The following ACTR3C variants were observed in gnomAD, a reference collection of about 807,000 sequenced individuals.
ACTR3C encodes actin related protein 3C.
In ACTR3C, 18 loss-of-function variants were observed where a neutral mutation model predicts 26.3. That is an observed-to-expected ratio of 0.68 (90% CI 0.47 to 1.01). ACTR3C has a LOEUF of 1.01. Ranked by LOEUF, ACTR3C falls within the 50% of genes least tolerant of loss-of-function variation. ACTR3C has a pLI of 0.00. For missense variants in ACTR3C, 184 were observed against 250.7 expected (o/e 0.73, Z 1.80); for synonymous variants, 55 against 94.5 (o/e 0.58, Z 2.42).
At chr7:149,885,459 G>A in the ACTR3C span, among the ~76,000 whole-genome samples, 6 of 152,214 alleles carry the variant, frequency 3.9e-5, no homozygotes, top group Non-Finnish European at 5.9e-5. Flanking sequence ...AGGAGGCCGG[G>A]GGCAGGGAGC....
chr7:150,222,563 T>C, the ACTR3C span, among the ~76,000 whole-genome samples: 2 of 152,220 alleles, frequency 1.3e-5, no homozygotes, highest in Non-Finnish European at 2.9e-5. Context: ...CTGTGATTAC[T>C]TGTGTATTTT....
the ACTR3C span, among the ~76,000 whole-genome samples, chr7:150,055,909 A>T: frequency 1.3e-5 from 2 of 152,252 alleles, no homozygotes; most frequent in African/African-American, 2.4e-5. Context: ...TTAATTAAAA[A>T]TCAATAAAGT....
chr7:150,085,983 C>CT, the ACTR3C span, among the ~76,000 whole-genome samples: 981 of 144,260 alleles, frequency 6.8e-3, 9 homozygotes, highest in African/African-American at 0.019. Context: ...TTTCTTTCTT[C>CT]TTTTTTTTTT....
At chr7:149,918,413 A>G in the ACTR3C span, among the ~76,000 whole-genome samples, 1 of 152,262 alleles carries the variant, frequency 6.6e-6, no homozygotes, top group African/African-American at 2.4e-5. Context: ...AATTTAGGCC[A>G]GGCGCAGTGG....
At chr7:150,135,564 AAATGTGAACT>A in the ACTR3C span, among the ~76,000 whole-genome samples, 1 of 152,352 alleles carries the variant, frequency 6.6e-6, no homozygotes, top group Middle Eastern at 3.4e-3. Flanking sequence ...ACCCATTCTC[AAATGTGAACT>A]AATAAAAGCA....
the ACTR3C span, among the ~76,000 whole-genome samples, chr7:149,939,639 C>T: frequency 1.3e-5 from 2 of 151,586 alleles, no homozygotes; most frequent in South Asian, 4.2e-4. Context: ...GTTTCCTCAG[C>T]AAAGTTGGAG....
intron 1 of ACTR3C, among the ~76,000 whole-genome samples, chr7:150,297,382 GGA>G (rs1179711594): frequency 6.6e-6 from 1 of 150,670 alleles, no homozygotes; most frequent in Non-Finnish European, 1.5e-5. Context: ...AAAATACTAA[GGA>G]GAAAAAATAT....
chr7:150,141,367 G>A, the ACTR3C span, among the ~76,000 whole-genome samples: 1 of 152,080 alleles, frequency 6.6e-6, no homozygotes, highest in African/African-American at 2.4e-5. Flanking sequence ...TACACTTACT[G>A]AGCAAGGGAG....
At chr7:150,223,948 T>C in the ACTR3C span, among the ~76,000 whole-genome samples, 259 of 152,286 alleles carry the variant, frequency 1.7e-3, no homozygotes, top group African/African-American at 6.1e-3. Flanking sequence ...ATTCAGTTCC[T>C]CAAAGGCCTC....
At chr7:149,985,316 C>A in the ACTR3C span, among the ~76,000 whole-genome samples, 1 of 150,506 alleles carries the variant, frequency 6.6e-6, no homozygotes, top group Non-Finnish European at 1.5e-5. Flanking sequence ...AAGAAAATAA[C>A]TAAAATAAAT....
At chr7:150,124,789 C>A in the ACTR3C span, among the ~76,000 whole-genome samples, 1 of 151,416 alleles carries the variant, frequency 6.6e-6, no homozygotes, top group African/African-American at 2.5e-5. Flanking sequence ...ACAGTAGCAA[C>A]AAGAATGATA....
chr7:150,081,185 A>T, the ACTR3C span, among the ~76,000 whole-genome samples: 1 of 149,718 alleles, frequency 6.7e-6, no homozygotes, highest in Middle Eastern at 3.2e-3. Flanking sequence ...GGATAGAGAG[A>T]TAGGGAGGGA....
chr7:150,084,487 G>T, the ACTR3C span, among the ~76,000 whole-genome samples: 11 of 152,160 alleles, frequency 7.2e-5, no homozygotes, highest in African/African-American at 1.4e-4. Flanking sequence ...GAGATTTTAG[G>T]TAGAGTGGTC....
chr7:150,272,548 A>C (rs1480394429), intron 6 of ACTR3C, among the ~76,000 whole-genome samples: 1 of 139,874 alleles, frequency 7.1e-6, no homozygotes, highest in Non-Finnish European at 1.5e-5. Context: ...AAAAAGCAGA[A>C]AAAAAGAGAA....
chr7:150,209,722 TACACACACACACACACAC>T, the ACTR3C span, among the ~76,000 whole-genome samples: 19 of 129,306 alleles, frequency 1.5e-4, no homozygotes, highest in African/African-American at 5.6e-4. Flanking sequence ...CTACTAAAAA[TACACACACACACACACAC>T]ACACACACAC....
At chr7:150,263,786 T>G (rs1833828633) in intron 6 of ACTR3C, among the ~76,000 whole-genome samples, 1 of 152,268 alleles carries the variant, frequency 6.6e-6, no homozygotes, top group Non-Finnish European at 1.5e-5. Context: ...AGAGCTACTT[T>G]CTCAATCATT....
chr7:150,227,723 A>G, the ACTR3C span, among the ~76,000 whole-genome samples: 10,356 of 101,108 alleles, frequency 0.1, 892 homozygotes, highest in African/African-American at 0.26. Context: ...TGGTATATGT[A>G]TGTCCAATTA....
chr7:149,917,008 C>T, the ACTR3C span, among the ~76,000 whole-genome samples: 1 of 152,156 alleles, frequency 6.6e-6, no homozygotes, highest in Non-Finnish European at 1.5e-5. Context: ...TTCTATCCAC[C>T]TTCTATTCCT....
At chr7:150,139,756 C>G in the ACTR3C span, among the ~76,000 whole-genome samples, 5 of 152,300 alleles carry the variant, frequency 3.3e-5, no homozygotes, top group Admixed American at 6.5e-5. Context: ...CATCCTCCCC[C>G]ACACATGGGT....
Sources: allele counts gnomAD v4.1 joint callset (sites outside exome capture counted in the v4.1 genomes callset), GRCh38; gene constraint gnomAD v4.1.1; transcripts MANE v1.5; gene names NCBI Gene and HGNC (gene_info 2026-07-23, HGNC 2026-07-21).